Variants in CAPN13 observed in about 807,000 individuals in gnomAD.
The protein encoded by CAPN13 is calpain-13.
In CAPN13, 90 loss-of-function variants were observed where a neutral mutation model predicts 98.4. The ratio of observed to expected loss-of-function variants is 0.92; its 90% confidence interval spans 0.77 to 1.09. The LOEUF is 1.09. CAPN13 is among the 50% of genes least tolerant of loss of function. The pLI, the probability that CAPN13 is intolerant of heterozygous loss-of-function variation, is 0.00. For synonymous variants in CAPN13, 330 were observed against 305.5 expected (o/e 1.08, Z -0.84); for missense variants, 887 against 841.3 (o/e 1.05, Z -0.67).
chr2:30,775,297 A>C (rs1198813715), intron 4 of CAPN13, among the ~76,000 whole-genome samples: 1 of 152,192 alleles, frequency 6.6e-6, no homozygotes, highest in Non-Finnish European at 1.5e-5. Context: ...TTAATCAAGA[A>C]AGATACACCA....
At chr2:30,777,999 G>A (rs1673788874) in intron 2 of CAPN13, among the ~76,000 whole-genome samples, 1 of 152,154 alleles carries the variant, frequency 6.6e-6, no homozygotes, top group African/African-American at 2.4e-5. Flanking sequence ...ATTTATTAGA[G>A]GAGAGGTTTA....
intron 5 of CAPN13, among the ~76,000 whole-genome samples, chr2:30,768,416 G>A (rs986666427): frequency 6.6e-6 from 1 of 152,176 alleles, no homozygotes; most frequent in African/African-American, 2.4e-5. Flanking sequence ...GCAAAGACAG[G>A]TGACTGGGTG....
chr2:30,800,180 G>T (rs927666649), intron 1 of CAPN13, among the ~76,000 whole-genome samples: 1 of 149,660 alleles, frequency 6.7e-6, no homozygotes, highest in South Asian at 2.1e-4. Context: ...AAGAAAGAAA[G>T]AAAGAAAGAA....
chr2:30,764,795 CAT>C (rs1673031345), intron 5 of CAPN13, among the ~76,000 whole-genome samples: 3 of 152,114 alleles, frequency 2.0e-5, no homozygotes, highest in African/African-American at 4.8e-5. Context: ...CTATGAGAGG[CAT>C]ATGTTTAAAA....
At chr2:30,747,702 C>G (rs1437783545) in intron 11 of CAPN13, among the ~76,000 whole-genome samples, 1 of 152,184 alleles carries the variant, frequency 6.6e-6, no homozygotes, top group Non-Finnish European at 1.5e-5. Flanking sequence ...CCCTGGAACT[C>G]CATTTGAGCC....
At chr2:30,771,947 C>T (rs570843118) in intron 4 of CAPN13, among the ~76,000 whole-genome samples, 178 of 152,260 alleles carry the variant, frequency 1.2e-3, no homozygotes, top group African/African-American at 3.5e-3. Context: ...TGTCAGTGGC[C>T]GTTTGGTTCA....
At chr2:30,805,611 G>A (rs1412572030) in intron 1 of CAPN13, among the ~76,000 whole-genome samples, 1 of 151,856 alleles carries the variant, frequency 6.6e-6, no homozygotes, top group Non-Finnish European at 1.5e-5. Flanking sequence ...GATTACTGTT[G>A]CTACCATGTC....
intron 11 of CAPN13, among the ~76,000 whole-genome samples, chr2:30,747,269 G>A (rs1250468084): frequency 6.6e-6 from 1 of 151,050 alleles, no homozygotes; most frequent in African/African-American, 2.4e-5. Flanking sequence ...TTTTATGGGT[G>A]TAGAAACTGA....
At chr2:30,734,662 G>C in intron 18 of CAPN13, 138 bp from the exon 19 acceptor site, 1 of 697,760 alleles carries the variant, frequency 1.4e-6, no homozygotes, top group Non-Finnish European at 2.6e-6. Flanking sequence ...GGACACAGTG[G>C]CCACACCTGG....
At chr2:30,793,639 C>A (rs1674712661) in intron 1 of CAPN13, among the ~76,000 whole-genome samples, 1 of 151,466 alleles carries the variant, frequency 6.6e-6, no homozygotes, top group Non-Finnish European at 1.5e-5. Flanking sequence ...ATAACCAAAG[C>A]AATTTTATAA....
At chr2:30,735,106 AG>A (rs1245384685) in intron 18 of CAPN13, among the ~76,000 whole-genome samples, 2 of 152,158 alleles carry the variant, frequency 1.3e-5, no homozygotes, top group African/African-American at 2.4e-5. Context: ...AGCCCAGCAC[AG>A]GGGCAGAAGG....
At chr2:30,803,790 A>T (rs564618720) in intron 1 of CAPN13, among the ~76,000 whole-genome samples, 10 of 152,328 alleles carry the variant, frequency 6.6e-5, no homozygotes, top group African/African-American at 2.4e-4. Flanking sequence ...GAGGCAACAC[A>T]AGAGATAGAT....
chr2:30,746,168 G>T (rs1323670916), intron 11 of CAPN13, among the ~76,000 whole-genome samples: 4 of 152,050 alleles, frequency 2.6e-5, no homozygotes, highest in South Asian at 4.1e-4. Context: ...AAATCCTGGG[G>T]TTATAGGCGT....
At chr2:30,793,856 G>GTT (rs2148091295) in intron 1 of CAPN13, among the ~76,000 whole-genome samples, 1 of 151,810 alleles carries the variant, frequency 6.6e-6, no homozygotes, top group East Asian at 1.9e-4. Context: ...AATGGTGCTG[G>GTT]ATCAACAGGA....
intron 1 of CAPN13, among the ~76,000 whole-genome samples, chr2:30,792,005 C>A (rs959754338): frequency 6.6e-6 from 1 of 152,094 alleles, no homozygotes; most frequent in African/African-American, 2.4e-5. Context: ...CCCTGAGCTA[C>A]GTGTTGTTCT....
rs756462915 is a variant in CAPN13 at position 30,736,498 on chromosome 2, C to T, written c.1722+5G>A. 50 of 1,613,820 alleles carry T rather than the reference C, an allele frequency of 3.1e-5. No individual in the cohort carries two copies. The highest frequency in any genetic ancestry group is 4.5e-5 in the East Asian group (2 of 44,884). The stretch of plus-strand genomic sequence containing the variant: ...GAGTGCTAGTCACAGAGAATGTGCC[C>T]GTACCTGGTAGTGAACAAGGCGCTT... On this transcript the variant is annotated splice_donor_5th_base_variant and intron_variant, in intron 18 of 22. Coordinates refer to ENST00000295055, the MANE Select transcript of CAPN13 (RefSeq NM_144575.3).
rs143914185 is a variant in CAPN13, at chr2:30,787,586, C to T, written c.-32-229G>A. Among the ~76,000 whole-genome samples the T allele has an allele frequency of 3.4e-3, 512 of 152,314 alleles. 1 individual carries two copies. The highest frequency in any genetic ancestry group is 0.011 in the African/African-American group (465 of 41,556). ...AAAACAGCTTTCCCGTGTGCTTTCA[C>T]GTGCACAAGAGGCTATGGGGTACTA... On this transcript the variant is annotated intron_variant, in intron 1 of 22. Transcript: ENST00000295055.
intron 4 of CAPN13, among the ~76,000 whole-genome samples, chr2:30,773,349 G>GA (rs142002667): frequency 0.071 from 10,784 of 152,084 alleles, 580 homozygotes; most frequent in African/African-American, 0.15. Flanking sequence ...ATATTCTGAG[G>GA]AATTATTCAA....
chr2:30,734,492 T>C lies in CAPN13; in HGVS notation c.1755A>G (p.Gly585=). 6.2e-7 allele frequency: 1 copy of C among 1,613,922 alleles called. No homozygotes were observed. Residue 585 remains glycine (G), a synonymous_variant, in exon 19 of 23, where the codon GGA becomes GGG. Coordinates refer to ENST00000295055, the MANE Select transcript of CAPN13 (RefSeq NM_144575.3). ...TCCACAAGTCCGAGCTCAGGAGGAC[T>C]CCAGGGCTTGTCTGAACCTTCTGGA... The part of the protein sequence containing the change: ...HVFQKVQTSP[G]VLLSSDLWKA...
Sources: allele counts gnomAD v4.1 joint callset (sites outside exome capture counted in the v4.1 genomes callset), GRCh38; gene constraint gnomAD v4.1.1; transcripts MANE v1.5; gene names NCBI Gene and HGNC (gene_info 2026-07-23, HGNC 2026-07-21).